PGM2L1: variants seen among roughly 807,000 people sequenced by gnomAD.
PGM2L1 encodes phosphoglucomutase 2 like 1, also known as glucose 1,6-bisphosphate synthase.
PGM2L1 carries 35 observed loss-of-function variants against 73.4 expected under a neutral mutation model. The observed-to-expected ratio is 0.48, with a 90% CI of 0.36 to 0.63. The LOEUF (loss-of-function observed/expected upper bound fraction) is 0.63, where lower values mean the gene tolerates loss of function less well. PGM2L1 is among the 30% of genes least tolerant of loss of function. The probability of loss-of-function intolerance (pLI) is 0.00; values close to 1 mark genes in which losing one functional copy is unlikely to be tolerated. For synonymous variants in PGM2L1, 225 were observed against 253.8 expected, an observed-to-expected ratio of 0.89 and a Z score of 1.08; for missense variants, 570 against 742.0, an observed-to-expected ratio of 0.77 and a Z score of 2.69.
chr11:74,355,411 G>C, intron 5 of PGM2L1: 1 of 530,230 alleles, frequency 1.9e-6, no homozygotes. Context: ...AAAATTAGCC[G>C]GGCGTGGTAG....
At chr11:74,336,867 C>A in intron 13 of PGM2L1, 113 bp from the exon 14 acceptor site, 141 of 613,394 alleles carry the variant, frequency 2.3e-4, no homozygotes, top group South Asian at 7.1e-4. Flanking sequence ...AATTGGTAAA[C>A]AAAAGAGAAA....
At position 74,364,166 on chromosome 11, in the gene PGM2L1, C is replaced by A. The variant is rs550820989; in HGVS notation, c.555+4326G>T. ...AAGGCCTTTGACAAAATTCAACAGC[C>A]CTTCATGCTAAAAACTCTCAATAAA... On this transcript the variant is annotated intron_variant, in intron 5 of 13. Transcript: ENST00000298198. 5.9e-5 allele frequency among the ~76,000 whole-genome samples: 9 copies of A among 152,108 alleles called. 1 individual carries two copies. The highest frequency in any genetic ancestry group is 1.2e-4 in the Non-Finnish European group (8 of 68,014).
chr11:74,347,382 AC>A, intron 6 of PGM2L1, 45 bp from the exon 7 acceptor site: 1 of 1,396,848 alleles, frequency 7.2e-7, no homozygotes. Context: ...AAAACCTCTT[AC>A]CTTTGATATA....
intron 5 of PGM2L1, among the ~76,000 whole-genome samples, chr11:74,360,272 A>AGAAG (rs57064480): frequency 0.71 from 102,413 of 143,452 alleles, 36,619 homozygotes; most frequent in East Asian, 0.81. Flanking sequence ...AAAGAGAAAG[A>AGAAG]GAAGGAAGGA....
chr11:74,386,590 C>T (rs1163004544), intron 1 of PGM2L1, among the ~76,000 whole-genome samples: 2 of 152,062 alleles, frequency 1.3e-5, no homozygotes, highest in Non-Finnish European at 2.9e-5. Flanking sequence ...ATCTTCCCAC[C>T]TAAGCCTCCC....
intron 1 of PGM2L1, among the ~76,000 whole-genome samples, chr11:74,375,869 T>C (rs749874760): frequency 5.9e-5 from 9 of 152,030 alleles, no homozygotes; most frequent in Non-Finnish European, 1.0e-4. Flanking sequence ...TATGGAAAAA[T>C]ATGAATAACA....
At chr11:74,357,556 G>A (rs1428344802) in intron 5 of PGM2L1, among the ~76,000 whole-genome samples, 1 of 152,210 alleles carries the variant, frequency 6.6e-6, no homozygotes. Flanking sequence ...GGAGCAACAG[G>A]AGCTCTCATT....
intron 5 of PGM2L1, among the ~76,000 whole-genome samples, chr11:74,360,835 C>A (rs1862551228): frequency 6.6e-6 from 1 of 152,198 alleles, no homozygotes; most frequent in Admixed American, 6.5e-5. Flanking sequence ...AACTGCAAGG[C>A]CGCAGTGAGG....
intron 12 of PGM2L1, among the ~76,000 whole-genome samples, 181 bp downstream of exon 12, chr11:74,342,280 A>T (rs891186079): frequency 6.6e-6 from 1 of 152,124 alleles, no homozygotes; most frequent in Non-Finnish European, 1.5e-5. Context: ...CCCCACCCCT[A>T]GTACATTGCC....
At chr11:74,361,446 G>GA (rs912485152) in intron 5 of PGM2L1, among the ~76,000 whole-genome samples, 30 of 152,034 alleles carry the variant, frequency 2.0e-4, no homozygotes, top group Admixed American at 3.9e-4. Context: ...CAAAGATGGG[G>GA]AAAAAACAGA....
At chr11:74,349,589 T>G (rs1220778935) in intron 6 of PGM2L1, among the ~76,000 whole-genome samples, 3 of 152,226 alleles carry the variant, frequency 2.0e-5, no homozygotes, top group Non-Finnish European at 4.4e-5. Context: ...GAGCCCTGGT[T>G]CCTTTTACTA....
chr11:74,374,566 T>C lies in PGM2L1; in HGVS notation c.128A>G (p.Glu43Gly), dbSNP rs1369811609. The change falls in exon 2 of 14, where the codon GAG (glutamate) becomes GGG (glycine). Residue 43 changes from glutamate to glycine, a missense_variant. Physicochemically the swap from Glu to Gly is moderately conservative, Grantham distance 98 (BLOSUM62 -2). Transcript: ENST00000298198. Reference sequence around the variant, plus strand: ...ATTCCGTAACAGGTTTTCAATCTGCTCTTTTGTTTTGGGATTCTATAAAAA... The same window carrying C: ...ATTCCGTAACAGGTTTTCAATCTGCCCTTTTGTTTTGGGATTCTATAAAAA... The part of the protein sequence containing the change: ...LRWDKNPKTK[E>G]QIENLLRNGM... 1.2e-6 allele frequency: 2 copies of C among 1,613,560 alleles called. No individual in the cohort carries two copies. Among genetic ancestry groups the C allele is most frequent in the Non-Finnish European group, 1.7e-6 (2 of 1,179,794 alleles).
chr11:74,371,872 A>ACTCAGAATCTC, intron 2 of PGM2L1, 55 bp from the exon 3 acceptor site: 1 of 1,392,532 alleles, frequency 7.2e-7, no homozygotes, highest in Non-Finnish European at 1.0e-6. Flanking sequence ...ATTTCATATG[A>ACTCAGAATCTC]CTCAGAATCT....
At chr11:74,353,852 C>T in intron 5 of PGM2L1, among the ~76,000 whole-genome samples, 1 of 147,590 alleles carries the variant, frequency 6.8e-6, no homozygotes, top group African/African-American at 2.5e-5. Context: ...CTGCTGGGTA[C>T]ACCTCCCAGA....
At chr11:74,339,467 C>A (rs1228576828) in intron 12 of PGM2L1, among the ~76,000 whole-genome samples, 3 of 152,182 alleles carry the variant, frequency 2.0e-5, no homozygotes, top group African/African-American at 7.2e-5. Flanking sequence ...GCCATGAGTC[C>A]TGTCCTTGAG....
At chr11:74,397,932 C>A in intron 1 of PGM2L1, 119 bp downstream of exon 1, 1 of 1,375,610 alleles carries the variant, frequency 7.3e-7, no homozygotes, top group Non-Finnish European at 9.4e-7. Context: ...TGCTCCGCTG[C>A]CCCCCGCTCG....
chr11:74,366,340 A>C (rs112626505), intron 5 of PGM2L1, among the ~76,000 whole-genome samples: 1 of 150,166 alleles, frequency 6.7e-6, no homozygotes, highest in African/African-American at 2.5e-5. Context: ...GTGCACATGT[A>C]CCCTAGAACT....
At chr11:74,391,095 G>C (rs979305975) in intron 1 of PGM2L1, among the ~76,000 whole-genome samples, 3 of 152,008 alleles carry the variant, frequency 2.0e-5, no homozygotes, top group Non-Finnish European at 2.9e-5. Flanking sequence ...TTCATTTTTA[G>C]ACCATAACTT....
chr11:74,372,464 T>G (rs1388223494), intron 2 of PGM2L1, among the ~76,000 whole-genome samples: 3 of 152,190 alleles, frequency 2.0e-5, no homozygotes, highest in African/African-American at 7.2e-5. Flanking sequence ...CTAAAACCAT[T>G]TAACTATCTC....
Sources: gnomAD v4.1 joint callset for allele counts (sites outside exome capture counted in the v4.1 genomes callset) on GRCh38, gnomAD v4.1.1 for gene constraint, MANE v1.5 for transcripts, NCBI Gene and HGNC (gene_info 2026-07-23, HGNC 2026-07-21) for gene names.